Variants in GPR19 observed in about 807,000 individuals in gnomAD.
GPR19 encodes G protein-coupled receptor 19, also known as probable G protein-coupled receptor 19.
Under a neutral mutation model 28.5 loss-of-function variants are expected in GPR19, and 14 were observed. The ratio of observed to expected loss-of-function variants is 0.49; its 90% CI spans 0.32 to 0.77. GPR19 has a LOEUF of 0.77. GPR19 is among the 30% of genes least tolerant of loss of function. The pLI is 0.03. For synonymous variants in GPR19, 173 were observed against 184.1 expected, an observed-to-expected ratio of 0.94 and a Z score of 0.49; for missense variants, 409 against 504.1, an observed-to-expected ratio of 0.81 and a Z score of 1.81.
At chr12:12,664,135 G>A (rs953354169) in intron 3 of GPR19, among the ~76,000 whole-genome samples, 4 of 152,032 alleles carry the variant, frequency 2.6e-5, no homozygotes. Context: ...GACTAGAGGC[G>A]CGTGCCACCA....
chr12:12,714,952 GCTTA>G, the GPR19 span: 1 of 152,142 alleles, frequency 6.6e-6, no homozygotes, highest in Non-Finnish European at 1.5e-5. Context: ...ACTGTGACTT[GCTTA>G]CTTTTCGAGA....
At chr12:12,665,363 C>G (rs907239578) in intron 3 of GPR19, among the ~76,000 whole-genome samples, 10 of 152,154 alleles carry the variant, frequency 6.6e-5, no homozygotes, top group African/African-American at 2.4e-4. Context: ...TCTGTCTGCC[C>G]ATTTCCCCAG....
chr12:12,672,636 A>G (rs1383012909), intron 3 of GPR19, among the ~76,000 whole-genome samples: 1 of 152,042 alleles, frequency 6.6e-6, no homozygotes, highest in Non-Finnish European at 1.5e-5. Context: ...AATCCCAGTT[A>G]TTTGGGAGGC....
chr12:12,676,208 A>T (rs1021610250), intron 3 of GPR19, among the ~76,000 whole-genome samples: 5 of 152,226 alleles, frequency 3.3e-5, no homozygotes, highest in Admixed American at 2.6e-4. Flanking sequence ...AGCACTGAAC[A>T]AGTCAAGAGA....
chr12:12,680,852 C>T (rs1311067694), intron 3 of GPR19, among the ~76,000 whole-genome samples: 2 of 152,160 alleles, frequency 1.3e-5, no homozygotes, highest in Non-Finnish European at 2.9e-5. Flanking sequence ...CCATACCCAG[C>T]TAATTTTTGT....
At chr12:12,689,265 C>A (rs1043501140) in intron 2 of GPR19, among the ~76,000 whole-genome samples, 2 of 152,152 alleles carry the variant, frequency 1.3e-5, no homozygotes, top group African/African-American at 4.8e-5. Flanking sequence ...ACGTCCAATA[C>A]CGGGTATTAC....
chr12:12,673,980 G>A (rs1044905738), intron 3 of GPR19, among the ~76,000 whole-genome samples: 7 of 152,072 alleles, frequency 4.6e-5, no homozygotes, highest in African/African-American at 1.7e-4. Context: ...GGGAGGCCGA[G>A]GCAGGTGGAT....
At chr12:12,696,903 G>A (rs529400678), upstream of GPR19, among the ~76,000 whole-genome samples, 1 of 152,224 alleles carries the variant, frequency 6.6e-6, no homozygotes, top group South Asian at 2.1e-4. Flanking sequence ...CTCAGAAATC[G>A]GTGCCGCGTC....
chr12:12,662,024 C>G lies in GPR19; in HGVS notation c.425G>C (p.Arg142Pro). The change falls in exon 4 of 4, where the codon CGA becomes CCA. Residue 142 changes from arginine to proline, a missense_variant. Physicochemically the swap from Arg to Pro is moderately radical, Grantham distance 103. Coordinates refer to ENST00000651487, the MANE Select transcript of GPR19 (RefSeq NM_006143.3). ...TLGSATCKVV[R>P]YFQYLTPGVQ... ...ACCTGGAGTGAGATATTGAAAATAT[C>G]GCACAACCTTGCACGTTGCACTACC... The G allele has an allele frequency of 6.2e-7, 1 of 1,614,208 alleles. No individual in the cohort carries two copies. The highest frequency in any genetic ancestry group is 8.5e-7 in the Non-Finnish European group (1 of 1,180,042).
At chr12:12,670,492 T>A (rs529150628) in intron 3 of GPR19, among the ~76,000 whole-genome samples, 2 of 152,324 alleles carry the variant, frequency 1.3e-5, no homozygotes, top group Non-Finnish European at 2.9e-5. Context: ...AGTTTTCTTC[T>A]GTAAAATGAA....
the GPR19 span, among the ~76,000 whole-genome samples, chr12:12,706,417 C>G: frequency 6.6e-6 from 1 of 152,210 alleles, no homozygotes; most frequent in Non-Finnish European, 1.5e-5. Flanking sequence ...GGCTAACTGC[C>G]TAGCTCTTTT....
chr12:12,701,096 G>C (rs1592274197), upstream of GPR19, among the ~76,000 whole-genome samples: 1 of 152,044 alleles, frequency 6.6e-6, no homozygotes, highest in Non-Finnish European at 1.5e-5. Context: ...TTATCAATCA[G>C]TTTTCCCCCA....
chr12:12,669,159 G>T (rs531580238), intron 3 of GPR19: 1 of 152,214 alleles, frequency 6.6e-6, no homozygotes, highest in African/African-American at 2.4e-5. Flanking sequence ...TCAGAAATAT[G>T]TGACATAGTG....
At chr12:12,709,544 G>T in the GPR19 span, among the ~76,000 whole-genome samples, 1 of 152,098 alleles carries the variant, frequency 6.6e-6, no homozygotes, top group Non-Finnish European at 1.5e-5. Flanking sequence ...GGGCTCAAGG[G>T]ATCCTCCACC....
chr12:12,689,446 C>A (rs1946150695), intron 2 of GPR19, among the ~76,000 whole-genome samples: 1 of 152,086 alleles, frequency 6.6e-6, no homozygotes, highest in Non-Finnish European at 1.5e-5. Flanking sequence ...TCCCCCCAAA[C>A]AAATGAAAGT....
At chr12:12,690,135 T>C (rs778135258) in intron 2 of GPR19, among the ~76,000 whole-genome samples, 1 of 152,266 alleles carries the variant, frequency 6.6e-6, no homozygotes, top group Non-Finnish European at 1.5e-5. Context: ...TTGAACTTGA[T>C]ATTATTCTTC....
chr12:12,707,287 C>A, the GPR19 span, among the ~76,000 whole-genome samples: 1 of 152,222 alleles, frequency 6.6e-6, no homozygotes, highest in African/African-American at 2.4e-5. Context: ...GCCTTCATTA[C>A]CCTCCGTACT....
chr12:12,689,643 T>A (rs1164705586), intron 2 of GPR19, among the ~76,000 whole-genome samples: 1 of 152,224 alleles, frequency 6.6e-6, no homozygotes, highest in Non-Finnish European at 1.5e-5. Context: ...CATCCACAAA[T>A]TCTTTGATAT....
the GPR19 span, chr12:12,716,610 T>G: frequency 1.5e-5 from 3 of 198,380 alleles, no homozygotes; most frequent in South Asian, 2.8e-4. Context: ...ACTAGAGTTT[T>G]TTGTTTTTTT....
Sources: gnomAD v4.1 joint callset for allele counts (sites outside exome capture counted in the v4.1 genomes callset) on GRCh38, gnomAD v4.1.1 for gene constraint, MANE v1.5 for transcripts, NCBI Gene and HGNC (gene_info 2026-07-23, HGNC 2026-07-21) for gene names.